The following EFNA2 variants were observed in gnomAD, a reference collection of about 807,000 sequenced individuals.
The protein encoded by EFNA2 is ephrin A2.
A neutral mutation model predicts 19.7 loss-of-function variants in EFNA2; 18 were observed. That is an observed-to-expected ratio of 0.91 (90% confidence interval 0.63 to 1.35). The LOEUF is 1.35. Ranked by LOEUF, EFNA2 falls within the 40% of genes most tolerant of loss-of-function variation. EFNA2 has a pLI of 0.00. For synonymous variants in EFNA2, 187 were observed against 137.8 expected (o/e 1.36, Z -2.50); for missense variants, 303 against 296.0 (o/e 1.02, Z -0.17).
At position 1,287,595 on chromosome 19, in the gene EFNA2, G is replaced by T. The variant is rs778785315; in HGVS notation, c.140+1287G>T. On this transcript the variant is annotated intron_variant, in intron 1 of 3. Transcript: ENST00000215368. The surrounding 1 kb of genome is among the most constrained non-coding windows in gnomAD (Gnocchi z 6.2). Reference sequence around the variant, plus strand: ...GTTCCGCCGTGGGGGTGGGGAACACGCACAGGCCCACCCCCCACCCTGGTC... The same window carrying T: ...GTTCCGCCGTGGGGGTGGGGAACACTCACAGGCCCACCCCCCACCCTGGTC... 6.6e-6 allele frequency among the ~76,000 whole-genome samples: 1 copy of T among 152,082 alleles called. No individual in the cohort carries two copies.
intron 3 of EFNA2, 59 bp from the exon 4 acceptor site, chr19:1,299,765 C>G: frequency 1.3e-6 from 2 of 1,533,246 alleles, no homozygotes; most frequent in Non-Finnish European, 1.7e-6. Flanking sequence ...GCGGGCGGCA[C>G]GTGGGGAGCC....
At chr19:1,293,984 G>C (rs1041756334) in intron 1 of EFNA2, among the ~76,000 whole-genome samples, 5 of 152,232 alleles carry the variant, frequency 3.3e-5, no homozygotes, top group African/African-American at 1.2e-4. Context: ...AGTGCCCCCA[G>C]TGTGGGGCCT....
In EFNA2 at chr19:1,287,019, G is replaced by T. The variant is rs1043446171; in HGVS notation, c.140+711G>T. On this transcript the variant is annotated intron_variant, in intron 1 of 3. Transcript: ENST00000215368. The surrounding 1 kb of genome is among the most constrained non-coding windows in gnomAD (Gnocchi z 6.2). ...CAAGGTCATGCAAGGGGGGGACTTG[G>T]GGGCAGGACCCAGGTGGCCCAGTGC... Among the ~76,000 whole-genome samples, 7 of 152,190 alleles carry T rather than the reference G, an allele frequency of 4.6e-5. No homozygotes were observed. Among genetic ancestry groups the T allele is most frequent in the African/African-American group, 1.4e-4 (6 of 41,440 alleles).
Position 1,286,228 on chromosome 19 carries a change from G to T in EFNA2, c.60G>T (p.Pro20=). ...TGCTCCTGCTGTTACCGCTGCCGCC[G>T]CCGCCCTTCGCGCGCGCCGAGGACG... is the stretch of plus-strand genomic sequence containing the variant. The part of the protein sequence containing the change: ...PLLLLLLPLP[P]PPFARAEDAA... The change falls in exon 1 of 4, where the codon CCG becomes CCT. Residue 20 remains proline, a synonymous_variant. Coordinates refer to ENST00000215368, the MANE Select transcript of EFNA2 (RefSeq NM_001405.4). The surrounding 1 kb of genome is among the most constrained non-coding windows in gnomAD (Gnocchi z 5.6). 1 of 1,122,906 alleles carries T rather than the reference G, an allele frequency of 8.9e-7. No individual in the cohort carries two copies. Among genetic ancestry groups the T allele is most frequent in the South Asian group, 2.0e-5 (1 of 50,546 alleles). The allele number at this position is 1,122,906 out of a possible 1,614,324, so 69.6% of individuals were successfully genotyped here.
In EFNA2 at chr19:1,294,221, T is replaced by C. The variant is rs2081503964; in HGVS notation, c.141-1324T>C. Among the ~76,000 whole-genome samples the C allele has an allele frequency of 6.6e-6, 1 of 152,166 alleles. No homozygotes were observed. Among genetic ancestry groups the C allele is most frequent in the Admixed American group, 6.5e-5 (1 of 15,288 alleles). On this transcript the variant is annotated intron_variant, in intron 1 of 3. Transcript: ENST00000215368. This position sits in a 1 kb window ranked among gnomAD's most constrained non-coding sequence, Gnocchi z 5.8. ...TAATAAGCCCCTCTCAGGGCCCCCC[T>C]CGTGCCCCGCTTGGTCCAGGCCGCC...
chr19:1,291,024 G>T (rs1257615614), intron 1 of EFNA2, among the ~76,000 whole-genome samples: 1 of 152,142 alleles, frequency 6.6e-6, no homozygotes, highest in Non-Finnish European at 1.5e-5. Flanking sequence ...TGGGTCAGGG[G>T]CCCCCAATTC....
upstream of EFNA2, among the ~76,000 whole-genome samples, chr19:1,284,585 T>A (rs1280459734): frequency 6.6e-6 from 1 of 152,018 alleles, no homozygotes; most frequent in Admixed American, 6.6e-5. This position sits in a 1 kb window ranked among gnomAD's most constrained non-coding sequence, Gnocchi z 5.3. Flanking sequence ...CGTGGCCCGC[T>A]GGGGAATCGG....
rs779003571 is a variant in EFNA2, at chr19:1,295,660, A to T, written c.256A>T (p.Met86Leu). Residue 86 changes from methionine (M) to leucine (L), a missense_variant, in exon 2 of 4, where the codon ATG becomes TTG. By Grantham distance (15) the Met-to-Leu change is conservative. Transcript: ENST00000215368. The surrounding 1 kb of genome is among the most constrained non-coding windows in gnomAD (Gnocchi z 5.8). The part of the protein sequence containing the change: ...YGAPLPPAER[M>L]EHYVLYMVNG... ...GGCGCCGCTGCCGCCGGCCGAGCGC[A>T]TGGAGCACTACGTGCTGTACATGGT... 6.2e-7 allele frequency: 1 copy of T among 1,611,632 alleles called. No individual in the cohort carries two copies. The highest frequency in any genetic ancestry group is 8.5e-7 in the Non-Finnish European group (1 of 1,179,444).
At position 1,294,920 on chromosome 19, in the gene EFNA2, C is replaced by A. The variant is rs745398117; in HGVS notation, c.141-625C>A. On this transcript the variant is annotated intron_variant, in intron 1 of 3. Coordinates refer to ENST00000215368, the MANE Select transcript of EFNA2 (RefSeq NM_001405.4). This position sits in a 1 kb window ranked among gnomAD's most constrained non-coding sequence, Gnocchi z 5.8. Reference sequence around the variant, plus strand: ...AGATGTTAAGCATGTTAGGTAGATGCGAAGTTTCTGGAGAGGGAATTCTTG... The same window carrying A: ...AGATGTTAAGCATGTTAGGTAGATGAGAAGTTTCTGGAGAGGGAATTCTTG... Among the ~76,000 whole-genome samples the A allele has an allele frequency of 6.6e-6, 1 of 151,766 alleles. No individual in the cohort carries two copies. The highest frequency in any genetic ancestry group is 1.5e-5 in the Non-Finnish European group (1 of 67,758).
At chr19:1,298,726 A>C (rs1464426079) in intron 3 of EFNA2, 110 bp downstream of exon 3, 2 of 1,236,930 alleles carry the variant, frequency 1.6e-6, no homozygotes, top group East Asian at 5.1e-5. Context: ...GGGTTTCCCT[A>C]TCTTGCCCTG....
At chr19:1,291,179 C>T (rs551733241) in intron 1 of EFNA2, among the ~76,000 whole-genome samples, 3 of 152,286 alleles carry the variant, frequency 2.0e-5, no homozygotes, top group Admixed American at 1.3e-4. Flanking sequence ...GGGTGGCCGA[C>T]GGCAGCTGCA....
Position 1,295,653 on chromosome 19 carries a change from C to G in EFNA2, c.249C>G (p.Ala83=). The G allele has an allele frequency of 1.2e-6, 2 of 1,611,722 alleles. No individual in the cohort carries two copies. Among genetic ancestry groups the G allele is most frequent in the Non-Finnish European group, 1.7e-6 (2 of 1,179,438 alleles). ...CPHYGAPLPP[A]ERMEHYVLYM... Reference sequence around the variant, plus strand: ...ACTATGGGGCGCCGCTGCCGCCGGCCGAGCGCATGGAGCACTACGTGCTGT... The same window carrying G: ...ACTATGGGGCGCCGCTGCCGCCGGCGGAGCGCATGGAGCACTACGTGCTGT... The change falls in exon 2 of 4, where the codon GCC becomes GCG. Residue 83 remains alanine (A), a synonymous_variant. Transcript: ENST00000215368. This position sits in a 1 kb window ranked among gnomAD's most constrained non-coding sequence, Gnocchi z 5.8.
intron 2 of EFNA2, 103 bp from the exon 3 acceptor site, chr19:1,298,448 G>T (rs2081525677): frequency 2.6e-6 from 3 of 1,168,478 alleles, no homozygotes; most frequent in Non-Finnish European, 3.7e-6. Flanking sequence ...CTCTCCACCT[G>T]GGGTCAGGGT....
chr19:1,297,601 C>A lies in EFNA2; in HGVS notation c.455-950C>A, dbSNP rs563946179. On this transcript the variant is annotated intron_variant, in intron 2 of 3. Transcript: ENST00000215368. The surrounding 1 kb of genome is among the most constrained non-coding windows in gnomAD (Gnocchi z 5.0). Reference sequence around the variant, plus strand: ...ACATCCATGTGTGCGTGCACATGGACCCACCCCTGTTCGATTGTCCACACG... The same window carrying A: ...ACATCCATGTGTGCGTGCACATGGAACCACCCCTGTTCGATTGTCCACACG... 5.9e-5 allele frequency among the ~76,000 whole-genome samples: 9 copies of A among 152,154 alleles called. No individual in the cohort carries two copies. Among genetic ancestry groups the A allele is most frequent in the African/African-American group, 1.9e-4 (8 of 41,492 alleles).
chr19:1,293,436 C>G (rs537645096), intron 1 of EFNA2, among the ~76,000 whole-genome samples: 4 of 152,328 alleles, frequency 2.6e-5, no homozygotes, highest in Admixed American at 6.5e-5. Flanking sequence ...GCCCCCGTGT[C>G]TGTGCGGACG....
At position 1,290,522 on chromosome 19, in the gene EFNA2, G is replaced by A. The variant is rs551177160; in HGVS notation, c.140+4214G>A. ...TACGTGGGTCCCTCGGGGTCACGGC[G>A]GAGGCAGTGGGTTGTGCATTCATGG... is the stretch of plus-strand genomic sequence containing the variant. On this transcript the variant is annotated intron_variant, in intron 1 of 3. Coordinates refer to ENST00000215368, the MANE Select transcript of EFNA2 (RefSeq NM_001405.4). Among the ~76,000 whole-genome samples the A allele has an allele frequency of 4.9e-4, 74 of 152,320 alleles. 1 individual carries two copies. Among genetic ancestry groups the A allele is most frequent in the African/African-American group, 1.7e-3 (69 of 41,562 alleles).
At chr19:1,285,313 C>T (rs2081458129), upstream of EFNA2, among the ~76,000 whole-genome samples, 2 of 152,178 alleles carry the variant, frequency 1.3e-5, no homozygotes, top group African/African-American at 4.8e-5. This position sits in a 1 kb window ranked among gnomAD's most constrained non-coding sequence, Gnocchi z 4.1. Flanking sequence ...TCCCCAGCTG[C>T]TCACACTCCA....
Position 1,294,081 on chromosome 19 carries a change from C to T in EFNA2, c.141-1464C>T, listed in dbSNP as rs533203417. 3.2e-4 allele frequency among the ~76,000 whole-genome samples: 48 copies of T among 152,378 alleles called. No individual in the cohort carries two copies. The South Asian group carries it at 6.6e-3, about 21-fold the overall frequency. ...AGGGCCGGGATCGTAGCAGCCTGCACCCATGTGCTGCCAACACTGGTGGGG... is the reference window on the plus strand; with the variant it reads ...AGGGCCGGGATCGTAGCAGCCTGCATCCATGTGCTGCCAACACTGGTGGGG... On this transcript the variant is annotated intron_variant, in intron 1 of 3. Transcript: ENST00000215368. This position sits in a 1 kb window ranked among gnomAD's most constrained non-coding sequence, Gnocchi z 5.8.
At chr19:1,284,831 C>T (rs918525208), upstream of EFNA2, among the ~76,000 whole-genome samples, 2 of 152,252 alleles carry the variant, frequency 1.3e-5, no homozygotes, top group African/African-American at 4.8e-5. The surrounding 1 kb of genome is among the most constrained non-coding windows in gnomAD (Gnocchi z 5.3). Flanking sequence ...GTGAATGACA[C>T]TAATTCAGAG....
Sources: gnomAD v4.1 joint callset for allele counts (sites outside exome capture counted in the v4.1 genomes callset) on GRCh38, gnomAD v4.1.1 for gene constraint, Gnocchi (gnomAD v3.1) non-coding constraint, MANE v1.5 for transcripts, NCBI Gene and HGNC (gene_info 2026-07-23, HGNC 2026-07-21) for gene names.